Variants in PEAK1 observed in about 807,000 individuals in gnomAD.
PEAK1 encodes pseudopodium enriched atypical kinase 1.
PEAK1 carries 54 observed loss-of-function variants against 124.7 expected under a neutral mutation model. The observed-to-expected ratio is 0.43, with a 90% CI of 0.35 to 0.54. PEAK1 has a LOEUF of 0.54. Among genes scored for constraint, PEAK1 ranks in the 20% least tolerant of loss-of-function variants. PEAK1 has a pLI of 0.01. For synonymous variants in PEAK1, 719 were observed against 760.0 expected (o/e 0.95, Z 0.89); for missense variants, 2,046 against 2,134.5 (o/e 0.96, Z 0.82).
intron 2 of PEAK1, chr15:77,351,030 G>C (rs893461268): frequency 2.4e-6 from 2 of 833,874 alleles, no homozygotes; most frequent in African/African-American, 3.7e-5. Flanking sequence ...ATACCATGCT[G>C]AATCAAATCA....
chr15:77,263,433 A>T (rs1426279884), intron 5 of PEAK1, among the ~76,000 whole-genome samples: 1 of 152,202 alleles, frequency 6.6e-6, no homozygotes, highest in African/African-American at 2.4e-5. Flanking sequence ...ATCACCACCG[A>T]TCCCACAGAA....
At chr15:77,154,506 G>A (rs1276370789) in intron 8 of PEAK1, among the ~76,000 whole-genome samples, 1 of 152,172 alleles carries the variant, frequency 6.6e-6, no homozygotes, top group African/African-American at 2.4e-5. Context: ...ATATTGTTAT[G>A]TGTGAATTTG....
At chr15:77,250,425 TTTTGTTTG>T (rs1321866863) in intron 6 of PEAK1, among the ~76,000 whole-genome samples, 1 of 150,248 alleles carries the variant, frequency 6.7e-6, no homozygotes, top group Non-Finnish European at 1.5e-5. Context: ...TTTTGTGTTT[TTTTGTTTG>T]TTTGTTTTTT....
chr15:77,413,195 T>C (rs2072555579), intron 1 of PEAK1, among the ~76,000 whole-genome samples: 1 of 152,314 alleles, frequency 6.6e-6, no homozygotes, highest in South Asian at 2.1e-4. Context: ...TCAAAGTAGC[T>C]CTCTCAAAAT....
At chr15:77,374,311 G>T (rs1268693878) in intron 1 of PEAK1, among the ~76,000 whole-genome samples, 2 of 151,868 alleles carry the variant, frequency 1.3e-5, no homozygotes, top group Non-Finnish European at 2.9e-5. Flanking sequence ...AGTTTTACTA[G>T]GTATATTAAT....
chr15:77,281,388 C>A (rs1449949271), intron 5 of PEAK1, among the ~76,000 whole-genome samples: 1 of 152,012 alleles, frequency 6.6e-6, no homozygotes, highest in African/African-American at 2.4e-5. Context: ...AATCTGGAGT[C>A]CCCAAATCTT....
chr15:77,417,262 A>G (rs1442790962), intron 1 of PEAK1: 1 of 776,672 alleles, frequency 1.3e-6, no homozygotes, highest in Non-Finnish European at 1.6e-6. Context: ...CTCAGGTCCT[A>G]CCTACCACCA....
intron 1 of PEAK1, chr15:77,371,169 T>G (rs979545409): frequency 8.2e-6 from 8 of 976,666 alleles, no homozygotes; most frequent in Non-Finnish European, 9.7e-6. Flanking sequence ...AAAAACTTCA[T>G]TATTTTGGTT....
chr15:77,183,712 C>CT (rs2057397443), intron 6 of PEAK1, among the ~76,000 whole-genome samples: 2 of 151,956 alleles, frequency 1.3e-5, no homozygotes, highest in South Asian at 4.1e-4. Context: ...ACATTCATAT[C>CT]TGACAAAGGA....
chr15:77,236,600 A>T (rs1318196200), intron 6 of PEAK1, among the ~76,000 whole-genome samples: 3 of 151,996 alleles, frequency 2.0e-5, no homozygotes, highest in African/African-American at 7.3e-5. Flanking sequence ...CGGGCTTTTG[A>T]GTTAATGCTG....
chr15:77,380,778 C>CA (rs2069411605), intron 1 of PEAK1, among the ~76,000 whole-genome samples: 2 of 152,134 alleles, frequency 1.3e-5, no homozygotes, highest in Admixed American at 6.5e-5. Context: ...CATGACTGGC[C>CA]AAAAATCAGT....
intron 5 of PEAK1, among the ~76,000 whole-genome samples, chr15:77,259,269 G>C (rs183024813): frequency 6.6e-6 from 1 of 151,938 alleles, no homozygotes; most frequent in African/African-American, 2.4e-5. Flanking sequence ...TTACACTCTG[G>C]TAATGCCATT....
At chr15:77,254,205 A>C (rs2061017617) in intron 5 of PEAK1, among the ~76,000 whole-genome samples, 1 of 151,988 alleles carries the variant, frequency 6.6e-6, no homozygotes, top group South Asian at 2.1e-4. Flanking sequence ...ACTGACCTTC[A>C]TTCTGTGAGT....
intron 9 of PEAK1, among the ~76,000 whole-genome samples, chr15:77,129,454 T>C (rs2052659365): frequency 6.6e-6 from 1 of 151,940 alleles, no homozygotes; most frequent in Admixed American, 6.6e-5. Flanking sequence ...TTTTTTTTTT[T>C]TTTTTGATAT....
chr15:77,298,598 A>C (rs563617437), intron 2 of PEAK1, among the ~76,000 whole-genome samples: 1 of 152,226 alleles, frequency 6.6e-6, no homozygotes, highest in East Asian at 1.9e-4. Context: ...TTGCTGGACG[A>C]AACATAATAA....
At chr15:77,344,545 C>T (rs1438241578) in intron 2 of PEAK1, among the ~76,000 whole-genome samples, 1 of 152,130 alleles carries the variant, frequency 6.6e-6, no homozygotes, top group African/African-American at 2.4e-5. Flanking sequence ...TGGCTATTTG[C>T]AGTTCCTTGA....
intron 2 of PEAK1, among the ~76,000 whole-genome samples, chr15:77,361,234 A>C (rs777030230): frequency 7.2e-5 from 11 of 152,136 alleles, no homozygotes; most frequent in Non-Finnish European, 1.5e-4. Context: ...TTTTCAAAAG[A>C]AGACATATAC....
In PEAK1 at chr15:77,418,026, T is replaced by G. The variant is rs771660052; in HGVS notation, c.-666+1980A>C. ...TCCAGGAACATATTTTTTAATGTGA[T>G]TGTCGGCAAACAGTTATGAAGTGGC... On this transcript the variant is annotated intron_variant, in intron 1 of 9. Transcript: ENST00000682557. 6 of 979,316 alleles carry G rather than the reference T, an allele frequency of 6.1e-6. No homozygotes were observed. In the East Asian group the frequency reaches 6.8e-4, roughly 112 times the overall value. The allele number at this position is 979,316 out of a possible 1,614,324, so 60.7% of individuals were successfully genotyped here.
At chr15:77,307,056 C>A (rs1355994773) in intron 2 of PEAK1, among the ~76,000 whole-genome samples, 1 of 152,108 alleles carries the variant, frequency 6.6e-6, no homozygotes, top group Non-Finnish European at 1.5e-5. Context: ...TCCTCAATCA[C>A]TTCTCTCTTA....
Sources: gnomAD v4.1 joint callset for allele counts (sites outside exome capture counted in the v4.1 genomes callset) on GRCh38, gnomAD v4.1.1 for gene constraint, MANE v1.5 for transcripts, NCBI Gene and HGNC (gene_info 2026-07-23, HGNC 2026-07-21) for gene names.